C7: variants seen among roughly 807,000 people sequenced by gnomAD.
C7 encodes complement C7, also known as complement component C7.
A neutral mutation model predicts 104.8 loss-of-function variants in C7; 83 were observed. That is an observed-to-expected ratio of 0.79 (90% CI 0.66 to 0.95). C7 has a LOEUF of 0.95. Ranked by LOEUF, C7 falls within the 40% of genes least tolerant of loss-of-function variation. The probability of loss-of-function intolerance (pLI) is 0.00; values close to 1 mark genes in which losing one functional copy is unlikely to be tolerated. For missense variants in C7, 1,070 were observed against 1,011.2 expected (o/e 1.06, Z -0.79); for synonymous variants, 415 against 360.6 (o/e 1.15, Z -1.71).
At chr5:40,967,210 C>T (rs944340494) in intron 14 of C7, among the ~76,000 whole-genome samples, 4 of 151,792 alleles carry the variant, frequency 2.6e-5, no homozygotes, top group East Asian at 3.9e-4. Context: ...GGACAACAGC[C>T]GTGCACCACC....
Position 40,910,513 on chromosome 5 carries a change from T to C in C7, c.6+897T>C, listed in dbSNP as rs181585432. Among the ~76,000 whole-genome samples, 17 of 152,200 alleles carry C rather than the reference T, an allele frequency of 1.1e-4. 1 individual carries two copies. The highest frequency in any genetic ancestry group is 1.1e-3 in the Admixed American group (17 of 15,278). On this transcript the variant is annotated intron_variant, in intron 1 of 17. Coordinates refer to ENST00000313164, the MANE Select transcript of C7 (RefSeq NM_000587.4). ...TATGGATCTTGATTAAGCCATGCCT[T>C]CTGTGAAATTAAATAATTAAAATTA...
chr5:40,936,633 T>C, intron 5 of C7, 148 bp downstream of exon 5: 2 of 714,960 alleles, frequency 2.8e-6, no homozygotes, highest in Non-Finnish European at 4.6e-6. Flanking sequence ...CCTGAGACAG[T>C]ATTTTTGTTC....
intron 15 of C7, among the ~76,000 whole-genome samples, chr5:40,974,077 C>T (rs931845722): frequency 1.4e-5 from 2 of 144,714 alleles, no homozygotes; most frequent in South Asian, 2.3e-4. Flanking sequence ...CATAACATAA[C>T]ATTTACCATT....
rs1391395338 is a variant in C7 at position 40,983,373 on chromosome 5, G to A, written c.*1800G>A. Among the ~76,000 whole-genome samples the A allele has an allele frequency of 6.6e-6, 1 of 152,070 alleles. No individual in the cohort carries two copies. Among genetic ancestry groups the A allele is most frequent in the African/African-American group, 2.4e-5 (1 of 41,384 alleles). ...ATGCCCCCTTCCTAAATAATACAGA[G>A]GATATGGTCAGCATTATCACATATC... is the stretch of plus-strand genomic sequence containing the variant. On this transcript the variant is annotated 3_prime_UTR_variant, in exon 18 of 18. Transcript: ENST00000313164.
intron 1 of C7, among the ~76,000 whole-genome samples, chr5:40,917,941 G>A (rs941179812): frequency 2.6e-5 from 4 of 152,088 alleles, no homozygotes; most frequent in African/African-American, 7.2e-5. Flanking sequence ...ACTGTTTGAC[G>A]GGAGAGTAAA....
At chr5:40,979,654 C>T in intron 16 of C7, 71 bp from the exon 17 acceptor site, 1 of 1,305,380 alleles carries the variant, frequency 7.7e-7, no homozygotes, top group East Asian at 2.4e-5. Context: ...CAGAGCATCA[C>T]TTTTCATTTC....
At position 40,928,631 on chromosome 5, in the gene C7, T is replaced by C. The variant is rs2111572096; in HGVS notation, c.58T>C (p.Ser20Pro). The C allele has an allele frequency of 1.9e-6, 3 of 1,544,600 alleles. No individual in the cohort carries two copies. The highest frequency in any genetic ancestry group is 1.9e-5 in the Admixed American group (1 of 52,162). ...VGFIGEFQSF[S>P]SASSPVNCQW... is the part of the protein sequence containing the mutation. ...ATTTATAGGAGAGTTCCAAAGTTTTTCAAGGTGAGGACTTTTTGGGTTGTG... is the reference window on the plus strand; with the variant it reads ...ATTTATAGGAGAGTTCCAAAGTTTTCCAAGGTGAGGACTTTTTGGGTTGTG... The change falls in exon 2 of 18, where the codon TCA becomes CCA. Residue 20 changes from serine (S) to proline (P), a missense_variant. Ser to Pro is a moderately conservative substitution (Grantham distance 74). Coordinates refer to ENST00000313164, the MANE Select transcript of C7 (RefSeq NM_000587.4).
chr5:40,956,580 A>AT (rs1740295473), intron 10 of C7, among the ~76,000 whole-genome samples: 1 of 152,266 alleles, frequency 6.6e-6, no homozygotes, highest in South Asian at 2.1e-4. Flanking sequence ...AATTTTCAGT[A>AT]TATCAATCTC....
chr5:40,932,820 T>A (rs1314264955), intron 3 of C7, among the ~76,000 whole-genome samples: 1 of 152,250 alleles, frequency 6.6e-6, no homozygotes, highest in Middle Eastern at 3.4e-3. Flanking sequence ...AAGGTCATTA[T>A]GCAATGGATA....
At chr5:40,955,800 T>A (rs1328606831) in intron 10 of C7, among the ~76,000 whole-genome samples, 1 of 152,192 alleles carries the variant, frequency 6.6e-6, no homozygotes, top group Non-Finnish European at 1.5e-5. Flanking sequence ...ATGACAAAAT[T>A]TGCATTTTTA....
At chr5:40,950,508 C>T (rs1740146233) in intron 9 of C7, among the ~76,000 whole-genome samples, 1 of 152,126 alleles carries the variant, frequency 6.6e-6, no homozygotes, top group South Asian at 2.1e-4. Context: ...ACAAGCCTAA[C>T]CTCTACTCCA....
At chr5:40,980,833 G>C (rs1218835943) in intron 17 of C7, among the ~76,000 whole-genome samples, 1 of 152,308 alleles carries the variant, frequency 6.6e-6, no homozygotes, top group East Asian at 1.9e-4. Context: ...CTTTTGGTTA[G>C]GTGGTCACCA....
chr5:40,947,169 G>A (rs978526740), intron 7 of C7, among the ~76,000 whole-genome samples: 1 of 149,192 alleles, frequency 6.7e-6, no homozygotes, highest in Non-Finnish European at 1.5e-5. Context: ...GTGTGATCAC[G>A]GCTCACTTCA....
intron 14 of C7, 24 bp from the exon 15 acceptor site, chr5:40,972,379 T>C (rs763811006): frequency 3.7e-6 from 6 of 1,601,602 alleles, no homozygotes; most frequent in Non-Finnish European, 5.1e-6. Context: ...ACGACCCTTA[T>C]ATTTTGCTCT....
At chr5:40,924,495 A>G (rs528649298) in intron 1 of C7, among the ~76,000 whole-genome samples, 5 of 152,306 alleles carry the variant, frequency 3.3e-5, no homozygotes, top group African/African-American at 1.2e-4. Flanking sequence ...GAGGACAGTG[A>G]TCCCCTTTCC....
intron 4 of C7, 133 bp downstream of exon 4, chr5:40,934,599 G>A (rs1418550147): frequency 1.0e-5 from 9 of 885,374 alleles, no homozygotes; most frequent in Non-Finnish European, 1.6e-5. Context: ...AATATCATCA[G>A]GATTTTTGTT....
At chr5:40,970,467 CA>C (rs1740675044) in intron 14 of C7, among the ~76,000 whole-genome samples, 1 of 152,050 alleles carries the variant, frequency 6.6e-6, no homozygotes, top group Admixed American at 6.6e-5. Flanking sequence ...AGTCAGGGAA[CA>C]CTGAACACTT....
chr5:40,972,621 G>C (rs1228657160), intron 15 of C7, 27 bp downstream of exon 15: 1 of 1,563,610 alleles, frequency 6.4e-7, no homozygotes, highest in African/African-American at 1.4e-5. Context: ...TCTATCCAAG[G>C]ACACTTGTAC....
At position 40,982,182 on chromosome 5, in the gene C7, T is replaced by G. The variant is rs1740963369; in HGVS notation, c.*609T>G. Reference sequence around the variant, plus strand: ...TTTTTAAGACAGAGTCTCACTTTGTTGCCCAGGCTGGAGCGCAGTGGGGTG... The same window carrying G: ...TTTTTAAGACAGAGTCTCACTTTGTGGCCCAGGCTGGAGCGCAGTGGGGTG... On this transcript the variant is annotated 3_prime_UTR_variant, in exon 18 of 18. Transcript: ENST00000313164. 3 of 152,140 alleles carry G rather than the reference T, an allele frequency of 2.0e-5. No individual in the cohort carries two copies. The South Asian group carries it at 6.2e-4, about 32-fold the overall frequency. The allele number at this position is 152,140 out of a possible 1,614,324, so 9.4% of individuals were successfully genotyped here. A position where few individuals can be genotyped will look rare whatever the true frequency, so the allele number is the denominator to read the frequency against.
Sources: gnomAD v4.1 joint callset for allele counts (sites outside exome capture counted in the v4.1 genomes callset) on GRCh38, gnomAD v4.1.1 for gene constraint, MANE v1.5 for transcripts, NCBI Gene and HGNC (gene_info 2026-07-23, HGNC 2026-07-21) for gene names.